CLIC4: variants seen among roughly 807,000 people sequenced by gnomAD.
The protein encoded by CLIC4 is CLIC family member 4, also known as chloride intracellular channel protein 4.
In CLIC4, 13 loss-of-function variants were observed where a neutral mutation model predicts 24.6. The ratio of observed to expected loss-of-function variants is 0.53; its 90% CI spans 0.34 to 0.84. CLIC4 has a LOEUF of 0.84. Ranked by LOEUF, CLIC4 falls within the 40% of genes least tolerant of loss-of-function variation. The pLI is 0.01. For missense variants in CLIC4, 227 were observed against 301.7 expected (o/e 0.75, Z 1.83); for synonymous variants, 104 against 111.3 (o/e 0.93, Z 0.41).
intron 1 of CLIC4, among the ~76,000 whole-genome samples, chr1:24,790,063 T>C (rs150937562): frequency 3.9e-4 from 60 of 152,294 alleles, no homozygotes; most frequent in Middle Eastern, 6.8e-3. Flanking sequence ...ATCTCATTTT[T>C]ATTTTTTTAT....
chr1:24,810,553 G>T (rs530713067), intron 2 of CLIC4, among the ~76,000 whole-genome samples: 2 of 152,164 alleles, frequency 1.3e-5, no homozygotes, highest in Admixed American at 6.5e-5. Context: ...TACTATATTA[G>T]AAATTAAAGT....
intron 1 of CLIC4, among the ~76,000 whole-genome samples, chr1:24,754,506 G>A (rs1571228117): frequency 6.6e-6 from 1 of 152,284 alleles, no homozygotes; most frequent in East Asian, 1.9e-4. Context: ...GTGTGATTAA[G>A]GCATGAGTTA....
chr1:24,836,742 G>A (rs1227240049), intron 4 of CLIC4, among the ~76,000 whole-genome samples: 1 of 152,216 alleles, frequency 6.6e-6, no homozygotes, highest in African/African-American at 2.4e-5. Flanking sequence ...GGAGGCTGAG[G>A]TGGGAGGATC....
intron 1 of CLIC4, among the ~76,000 whole-genome samples, chr1:24,791,475 C>G (rs918206032): frequency 1.3e-5 from 2 of 152,162 alleles, no homozygotes; most frequent in Admixed American, 6.5e-5. Flanking sequence ...CCCAGTGGCT[C>G]ACACCTGTAA....
intron 1 of CLIC4, among the ~76,000 whole-genome samples, chr1:24,795,978 T>C (rs1387257708): frequency 1.3e-5 from 2 of 152,218 alleles, no homozygotes; most frequent in African/African-American, 4.8e-5. Flanking sequence ...AAAATGATTT[T>C]TACATTTCAG....
rs183064530 is a variant in CLIC4, at chr1:24,752,519, T to C, written c.72+6894T>C. Among the ~76,000 whole-genome samples the C allele has an allele frequency of 1.4e-4, 22 of 152,222 alleles. 1 individual carries two copies. The East Asian group carries it at 3.9e-3, about 27-fold the overall frequency. ...TGTTGCCAGTGGGGGGTGGAAAATATGGAGGAAGCACATCTTAAGGGCCCC... is the reference window on the plus strand; with the variant it reads ...TGTTGCCAGTGGGGGGTGGAAAATACGGAGGAAGCACATCTTAAGGGCCCC... On this transcript the variant is annotated intron_variant, in intron 1 of 5. Transcript: ENST00000374379.
At chr1:24,823,618 C>G (rs1470220957) in intron 3 of CLIC4, among the ~76,000 whole-genome samples, 1 of 151,806 alleles carries the variant, frequency 6.6e-6, no homozygotes, top group Admixed American at 6.6e-5. Flanking sequence ...AATAAAAACA[C>G]AAAAAATTAG....
At chr1:24,770,567 A>T (rs947945573) in intron 1 of CLIC4, among the ~76,000 whole-genome samples, 2 of 152,274 alleles carry the variant, frequency 1.3e-5, no homozygotes, top group South Asian at 4.1e-4. Flanking sequence ...AAAAAAGAAT[A>T]AAAAAATTAT....
At chr1:24,813,747 G>T (rs535983901) in intron 2 of CLIC4, among the ~76,000 whole-genome samples, 70 of 148,916 alleles carry the variant, frequency 4.7e-4, no homozygotes, top group South Asian at 1.3e-3. Flanking sequence ...TTGAGACAGG[G>T]TCTCTCTGTC....
At chr1:24,759,899 A>G (rs1638899385) in intron 1 of CLIC4, among the ~76,000 whole-genome samples, 1 of 151,748 alleles carries the variant, frequency 6.6e-6, no homozygotes, top group African/African-American at 2.4e-5. Context: ...GGCCACAGTG[A>G]GTAGTAATCC....
intron 3 of CLIC4, among the ~76,000 whole-genome samples, chr1:24,825,343 T>C (rs1357830836): frequency 6.6e-6 from 1 of 152,188 alleles, no homozygotes; most frequent in African/African-American, 2.4e-5. Flanking sequence ...TCACAAGCAG[T>C]ACAAACATTT....
intron 1 of CLIC4, among the ~76,000 whole-genome samples, chr1:24,775,224 C>CTTTTTTTTTTTTTTTTTTTT: frequency 6.2e-4 from 56 of 90,648 alleles, no homozygotes; most frequent in African/African-American, 7.0e-4. Context: ...TTCTTTCTTT[C>CTTTTTTTTTTTTTTTTTTTT]TTTTTTTTTT....
chr1:24,748,926 T>C (rs1486131883), intron 1 of CLIC4, among the ~76,000 whole-genome samples: 2 of 152,138 alleles, frequency 1.3e-5, no homozygotes, highest in Admixed American at 1.3e-4. Context: ...AATATAGTTA[T>C]TTTGAAAGCA....
At chr1:24,836,317 G>A (rs1055703702) in intron 4 of CLIC4, among the ~76,000 whole-genome samples, 16 of 151,732 alleles carry the variant, frequency 1.1e-4, no homozygotes, top group Admixed American at 7.2e-4. Flanking sequence ...ACCGCAAAAG[G>A]AAAAAAATGA....
chr1:24,746,675 G>C (rs778033737), intron 1 of CLIC4, among the ~76,000 whole-genome samples: 5 of 152,090 alleles, frequency 3.3e-5, no homozygotes, highest in Admixed American at 3.3e-4. Context: ...TTTTCCCCGA[G>C]TTTTTACTTT....
intron 2 of CLIC4, among the ~76,000 whole-genome samples, chr1:24,803,826 T>C (rs1268266275): frequency 6.6e-6 from 1 of 152,198 alleles, no homozygotes; most frequent in Non-Finnish European, 1.5e-5. Flanking sequence ...GCTCTATCAC[T>C]GATTTCACTG....
At chr1:24,789,078 A>G (rs1339297749) in intron 1 of CLIC4, among the ~76,000 whole-genome samples, 3 of 152,242 alleles carry the variant, frequency 2.0e-5, no homozygotes, top group African/African-American at 4.8e-5. Context: ...GTTACAAACA[A>G]TAAGGCCTCA....
chr1:24,765,251 G>T (rs1638979165), intron 1 of CLIC4, among the ~76,000 whole-genome samples: 1 of 152,110 alleles, frequency 6.6e-6, no homozygotes. Flanking sequence ...CTTTCTATGT[G>T]CCAGGCACTG....
chr1:24,784,113 A>G (rs968136426), intron 1 of CLIC4, among the ~76,000 whole-genome samples: 7 of 146,958 alleles, frequency 4.8e-5, no homozygotes, highest in Admixed American at 2.1e-4. Context: ...CTATTTTCAT[A>G]TGTTTTTGAT....
Sources: gnomAD v4.1 joint callset for allele counts (sites outside exome capture counted in the v4.1 genomes callset) on GRCh38, gnomAD v4.1.1 for gene constraint, MANE v1.5 for transcripts, NCBI Gene and HGNC (gene_info 2026-07-23, HGNC 2026-07-21) for gene names.